Variants in FIGN observed in about 807,000 individuals in gnomAD.
The protein encoded by FIGN is fidgetin.
Under a neutral mutation model 51.3 loss-of-function variants are expected in FIGN, and 11 were observed. The ratio of observed to expected loss-of-function variants is 0.21; its 90% CI spans 0.13 to 0.35. FIGN has a LOEUF of 0.35. Among genes scored for constraint, FIGN ranks in the 10% least tolerant of loss-of-function variants. The pLI, the probability that FIGN is intolerant of heterozygous loss-of-function variation, is 1.00. For missense variants in FIGN, 857 were observed against 943.6 expected (o/e 0.91, Z 1.20); for synonymous variants, 407 against 363.2 (o/e 1.12, Z -1.37).
intron 2 of FIGN, among the ~76,000 whole-genome samples, chr2:163,665,121 T>C (rs1002952783): frequency 6.6e-6 from 1 of 152,266 alleles, no homozygotes; most frequent in African/African-American, 2.4e-5. Flanking sequence ...CTTTTGCACA[T>C]TGTGGACAGT....
intron 2 of FIGN, among the ~76,000 whole-genome samples, chr2:163,665,775 G>A (rs1227828480): frequency 6.6e-6 from 1 of 152,128 alleles, no homozygotes; most frequent in Non-Finnish European, 1.5e-5. Flanking sequence ...AATCATAAGA[G>A]AGTATCATTT....
At chr2:163,629,755 A>G (rs1039374628) in intron 2 of FIGN, among the ~76,000 whole-genome samples, 2 of 152,078 alleles carry the variant, frequency 1.3e-5, no homozygotes, top group African/African-American at 4.8e-5. Context: ...TTTACCGTCT[A>G]TCCCTTGCCA....
Position 163,612,241 on chromosome 2 carries a change from A to G in FIGN, c.26-435T>C, listed in dbSNP as rs1404980205. 6 of 842,414 alleles carry G rather than the reference A, an allele frequency of 7.1e-6. No homozygotes were observed. The East Asian group carries it at 4.9e-4, about 69-fold the overall frequency. 52.2% of individuals were successfully genotyped at this position (842,414 alleles called of 1,614,324 possible). A position where few individuals can be genotyped will look rare whatever the true frequency, so the allele number is the denominator to read the frequency against. On this transcript the variant is annotated intron_variant, in intron 2 of 2. Coordinates refer to ENST00000333129, the MANE Select transcript of FIGN (RefSeq NM_018086.4). The stretch of plus-strand genomic sequence containing the variant: ...GGCAGTATTAACATGTACAATATCT[A>G]GCTATTCTGTCTGTTCACATCACAG...
At chr2:163,655,167 T>C (rs1683539721) in intron 2 of FIGN, among the ~76,000 whole-genome samples, 1 of 151,978 alleles carries the variant, frequency 6.6e-6, no homozygotes, top group East Asian at 1.9e-4. Context: ...ATGACCTTCT[T>C]TGAAGTTGAA....
chr2:163,623,503 A>T (rs2105306691), intron 2 of FIGN, among the ~76,000 whole-genome samples: 1 of 152,270 alleles, frequency 6.6e-6, no homozygotes, highest in East Asian at 1.9e-4. Context: ...CACCCCTATT[A>T]TTACTATAGA....
intron 2 of FIGN, among the ~76,000 whole-genome samples, chr2:163,704,798 G>T (rs751608): frequency 0.084 from 12,804 of 151,866 alleles, 679 homozygotes; most frequent in Admixed American, 0.11. Context: ...TACTCTGACA[G>T]GAAATGGAGC....
chr2:163,734,841 A>T, intron 2 of FIGN, 62 bp downstream of exon 2: 1 of 1,504,112 alleles, frequency 6.6e-7, no homozygotes, highest in South Asian at 1.2e-5. Flanking sequence ...TGGTTTTATC[A>T]TGCTATTTCA....
intron 2 of FIGN, among the ~76,000 whole-genome samples, chr2:163,723,283 T>C (rs1684788551): frequency 6.6e-6 from 1 of 152,138 alleles, no homozygotes; most frequent in South Asian, 2.1e-4. Flanking sequence ...TCACCAAACA[T>C]TTATTGAATT....
rs1350529037 is a variant in FIGN, at chr2:163,611,301, A to G, written c.531T>C (p.His177=). ...CATATTCCTGAGATGGGAGCCCTGC[A>G]TGAAGACTGGGTACAGTGTGGCTTC... ...TCGSHTVPSL[H]AGLPSQEYAP... The change falls in exon 3 of 3, where the codon CAT becomes CAC. Residue 177 remains histidine (H), a synonymous_variant. Transcript: ENST00000333129. 1 of 1,614,144 alleles carries G rather than the reference A, an allele frequency of 6.2e-7. No homozygotes were observed. The highest frequency in any genetic ancestry group is 8.5e-7 in the Non-Finnish European group (1 of 1,180,016).
intron 2 of FIGN, among the ~76,000 whole-genome samples, chr2:163,667,339 A>T (rs1313756168): frequency 2.3e-5 from 1 of 43,250 alleles, no homozygotes; most frequent in East Asian, 7.9e-4. Flanking sequence ...CTATCCCCAC[A>T]AAAAAAAAAA....
At chr2:163,657,139 G>A (rs970315122) in intron 2 of FIGN, among the ~76,000 whole-genome samples, 1 of 151,236 alleles carries the variant, frequency 6.6e-6, no homozygotes, top group Non-Finnish European at 1.5e-5. Flanking sequence ...AACAGAAATG[G>A]TTGCCAAGGT....
intron 2 of FIGN, among the ~76,000 whole-genome samples, chr2:163,692,719 T>A (rs560147362): frequency 6.6e-4 from 101 of 152,264 alleles, no homozygotes; most frequent in African/African-American, 2.4e-3. Context: ...ACAGTGGAGA[T>A]GTTAAAAAGA....
intron 2 of FIGN, among the ~76,000 whole-genome samples, chr2:163,623,493 C>G (rs896602422): frequency 6.6e-6 from 1 of 152,094 alleles, no homozygotes; most frequent in Admixed American, 6.6e-5. Context: ...ATAATTAATG[C>G]ACCCCTATTA....
At chr2:163,731,725 A>G (rs1684932843) in intron 2 of FIGN, among the ~76,000 whole-genome samples, 1 of 152,082 alleles carries the variant, frequency 6.6e-6, no homozygotes, top group African/African-American at 2.4e-5. Flanking sequence ...AAAAAAAAAA[A>G]AGATGTTTCT....
rs1491432139 is a variant in FIGN, at chr2:163,676,484, A to ATATATATAT, written c.25+58418_25+58419insATATATATA. 1.4e-3 allele frequency among the ~76,000 whole-genome samples: 80 copies of ATATATATAT among 55,726 alleles called. 22 individuals carry two copies. The highest frequency in any genetic ancestry group is 2.2e-3 in the Non-Finnish European group (53 of 24,134). 36.6% of individuals were successfully genotyped at this position (55,726 alleles called of 152,430 possible). On this transcript the variant is annotated intron_variant, in intron 2 of 2. Transcript: ENST00000333129. ...ATATATATATATATATATATATATA[A>ATATATATAT]CTAGAGTCTGTGCACCCGAATCTGA...
At chr2:163,658,554 T>C (rs1256228755) in intron 2 of FIGN, among the ~76,000 whole-genome samples, 1 of 152,160 alleles carries the variant, frequency 6.6e-6, no homozygotes, top group Non-Finnish European at 1.5e-5. Flanking sequence ...GGCGTCAGGC[T>C]GCTTCCACTC....
rs559490173 is a variant in FIGN at position 163,609,976 on chromosome 2, G to A, written c.1856C>T (p.Ser619Leu). Residue 619 changes from serine (S) to leucine (L), a missense_variant, in exon 3 of 3, where the codon TCG (serine) becomes TTG (leucine). Around this residue, in one of 3 missense-constraint regions of FIGN, gnomAD observed 799 missense variants for 849.5 expected, o/e 0.94. Transcript: ENST00000333129. ...AATTACTACGATTTGGTCCTCAGCCGAAGTTAGTACAGTGTCCAGTTGCAT... is the reference window on the plus strand; with the variant it reads ...AATTACTACGATTTGGTCCTCAGCCAAAGTTAGTACAGTGTCCAGTTGCAT... ...FLMQLDTVLT[S>L]AEDQIVVICA... 32 of 1,613,962 alleles carry A rather than the reference G, an allele frequency of 2.0e-5. No homozygotes were observed. The highest frequency in any genetic ancestry group is 6.7e-5 in the African/African-American group (5 of 75,014).
At position 163,669,015 on chromosome 2, in the gene FIGN, A is replaced by AATATATATAT. The variant is rs138074416; in HGVS notation, c.26-57219_26-57210dup. ...TCTTAGCATAATTAAGAAAAAAAGG[A>AATATATATAT]ATATATATATATATATATATACACT... On this transcript the variant is annotated intron_variant, in intron 2 of 2. Coordinates refer to ENST00000333129, the MANE Select transcript of FIGN (RefSeq NM_018086.4). 4.4e-3 allele frequency among the ~76,000 whole-genome samples: 612 copies of AATATATATAT among 138,506 alleles called. 1 individual carries two copies. The highest frequency in any genetic ancestry group is 0.021 in the South Asian group (92 of 4,452). 90.9% of individuals were successfully genotyped at this position (138,506 alleles called of 152,430 possible).
At chr2:163,620,539 T>G (rs1245566649) in intron 2 of FIGN, among the ~76,000 whole-genome samples, 1 of 152,166 alleles carries the variant, frequency 6.6e-6, no homozygotes, top group Non-Finnish European at 1.5e-5. Context: ...ATTCATAGCA[T>G]CCAGCCTGTA....
Sources: allele counts gnomAD v4.1 joint callset (sites outside exome capture counted in the v4.1 genomes callset), GRCh38; gene constraint gnomAD v4.1.1; regional missense constraint gnomAD v4.1.1; transcripts MANE v1.5; gene names NCBI Gene and HGNC (gene_info 2026-07-23, HGNC 2026-07-21).